The following PKHD1L1 variants were observed in gnomAD, a reference collection of about 807,000 sequenced individuals.
PKHD1L1 encodes fibrocystin-L.
In PKHD1L1, 434 loss-of-function variants were observed where a neutral mutation model predicts 462.9. The ratio of observed to expected loss-of-function variants is 0.94; its 90% CI spans 0.87 to 1.02. The LOEUF (loss-of-function observed/expected upper bound fraction) is 1.02, where lower values mean the gene tolerates loss of function less well. PKHD1L1 is among the 50% of genes least tolerant of loss of function. PKHD1L1 has a pLI of 0.00. For synonymous variants in PKHD1L1, 1,781 were observed against 1,750.0 expected (o/e 1.02, Z -0.44); for missense variants, 5,202 against 5,096.1 (o/e 1.02, Z -0.63).
rs1218750183 is a variant in PKHD1L1, at chr8:109,479,975, A to C, written c.9179-16A>C. On this transcript the variant is annotated splice_polypyrimidine_tract_variant and intron_variant, in intron 54 of 77. Transcript: ENST00000378402. ...TTTATGGATTATGTTATATTTCTTA[A>C]AGTATTGTTTTATAGGAACATGGAT... The C allele has an allele frequency of 6.5e-7, 1 of 1,542,168 alleles. No individual in the cohort carries two copies. The highest frequency in any genetic ancestry group is 1.3e-5 in the South Asian group (1 of 79,386).
intron 21 of PKHD1L1, among the ~76,000 whole-genome samples, chr8:109,416,803 C>T (rs975692270): frequency 2.0e-5 from 3 of 152,130 alleles, no homozygotes; most frequent in African/African-American, 4.8e-5. Flanking sequence ...CTGCTTCATG[C>T]CCAATTTGCT....
chr8:109,460,368 T>G (rs1342049342), intron 47 of PKHD1L1, among the ~76,000 whole-genome samples: 2 of 152,156 alleles, frequency 1.3e-5, no homozygotes, highest in African/African-American at 4.8e-5. Context: ...CTGTAAAAGA[T>G]ATTTTAATTA....
At chr8:109,480,795 A>C (rs1818238208) in intron 55 of PKHD1L1, 1 of 271,104 alleles carries the variant, frequency 3.7e-6, no homozygotes, top group Admixed American at 4.4e-5. Context: ...CTTGGTTATT[A>C]ATATTTTAAA....
Position 109,401,683 on chromosome 8 carries a change from G to A in PKHD1L1, c.1373+95G>A, listed in dbSNP as rs898876718. ...TTTCAATTTATTTTTATTGGTGGAA[G>A]TGATATTAGTTTATTGGTTTAATTT... On this transcript the variant is annotated intron_variant, in intron 14 of 77. Transcript: ENST00000378402. 7 of 585,750 alleles carry A rather than the reference G, an allele frequency of 1.2e-5. No individual in the cohort carries two copies. The African/African-American group carries it at 1.3e-4, about 11-fold the overall frequency. 36.3% of individuals were successfully genotyped at this position (585,750 alleles called of 1,614,324 possible). A position where few individuals can be genotyped will look rare whatever the true frequency, so the allele number is the denominator to read the frequency against.
intron 46 of PKHD1L1, 88 bp from the exon 47 acceptor site, chr8:109,459,507 A>G (rs1816995397): frequency 1.9e-6 from 2 of 1,058,192 alleles, no homozygotes; most frequent in Non-Finnish European, 2.6e-6. Flanking sequence ...TTTGCAGAGT[A>G]TTTAAAATGA....
intron 30 of PKHD1L1, 72 bp downstream of exon 30, chr8:109,436,531 G>A: frequency 6.4e-7 from 1 of 1,573,090 alleles, no homozygotes; most frequent in Non-Finnish European, 8.6e-7. Context: ...CATCTCAGTG[G>A]GGCGGGGGGT....
intron 6 of PKHD1L1, 95 bp downstream of exon 6, chr8:109,385,725 AT>A: frequency 1.3e-6 from 1 of 755,200 alleles, no homozygotes. Context: ...TCCCATTACA[AT>A]GTAATATAAC....
At chr8:109,525,360 C>T (rs1017310532) in intron 76 of PKHD1L1, among the ~76,000 whole-genome samples, 1 of 152,132 alleles carries the variant, frequency 6.6e-6, no homozygotes, top group Admixed American at 6.5e-5. Context: ...ATTTGTTTAG[C>T]GTCCTATGTA....
intron 6 of PKHD1L1, among the ~76,000 whole-genome samples, chr8:109,387,640 C>T (rs1157063444): frequency 6.6e-6 from 1 of 152,152 alleles, no homozygotes; most frequent in Non-Finnish European, 1.5e-5. Context: ...GAATTTAAAT[C>T]CATGAATGTG....
intron 19 of PKHD1L1, among the ~76,000 whole-genome samples, chr8:109,410,945 T>G (rs1009175879): frequency 2.0e-5 from 3 of 151,756 alleles, no homozygotes; most frequent in Non-Finnish European, 4.4e-5. Flanking sequence ...GCCAGGATGG[T>G]CTCGATCTCT....
chr8:109,430,917 G>A (rs1416253109), intron 27 of PKHD1L1, among the ~76,000 whole-genome samples: 1 of 151,524 alleles, frequency 6.6e-6, no homozygotes, highest in African/African-American at 2.4e-5. Context: ...TTTGGTTACA[G>A]TCCTTTGGTA....
intron 6 of PKHD1L1, among the ~76,000 whole-genome samples, chr8:109,386,202 C>T (rs960978592): frequency 6.6e-6 from 1 of 152,190 alleles, no homozygotes; most frequent in East Asian, 1.9e-4. Flanking sequence ...TAGCTAATGT[C>T]AAAAAAATAA....
intron 59 of PKHD1L1, 38 bp downstream of exon 59, chr8:109,486,859 T>C: frequency 6.4e-7 from 1 of 1,555,080 alleles, no homozygotes; most frequent in South Asian, 1.1e-5. Flanking sequence ...AAATGAGCTA[T>C]AACATTATCT....
intron 23 of PKHD1L1, among the ~76,000 whole-genome samples, chr8:109,422,702 CAT>C (rs1200317601): frequency 6.6e-6 from 1 of 152,058 alleles, no homozygotes; most frequent in East Asian, 1.9e-4. Context: ...TTTTGTGAGA[CAT>C]AAGTTTCCAT....
intron 52 of PKHD1L1, 84 bp downstream of exon 52, chr8:109,476,751 G>C: frequency 8.2e-7 from 1 of 1,216,808 alleles, no homozygotes; most frequent in Non-Finnish European, 1.1e-6. Flanking sequence ...CAAATGTGTT[G>C]TGCAGTGCTT....
intron 2 of PKHD1L1, among the ~76,000 whole-genome samples, chr8:109,373,547 C>A (rs561245352): frequency 5.9e-5 from 9 of 152,262 alleles, no homozygotes; most frequent in South Asian, 2.1e-4. Context: ...CTTCTGCTAG[C>A]TTTTGAATGT....
chr8:109,449,928 G>A lies in PKHD1L1; in HGVS notation c.6175+441G>A, dbSNP rs147690024. Among the ~76,000 whole-genome samples, 6 of 152,282 alleles carry A rather than the reference G, an allele frequency of 3.9e-5. No homozygotes were observed. The East Asian group carries it at 1.2e-3, about 29-fold the overall frequency. On this transcript the variant is annotated intron_variant, in intron 40 of 77. Transcript: ENST00000378402. ...GCCTCAGTTTTTTCAACTATAAAGT[G>A]AGATGAATCACAGTAGTCTACTGGA...
At chr8:109,496,220 T>C (rs1396547420) in intron 63 of PKHD1L1, among the ~76,000 whole-genome samples, 1 of 152,110 alleles carries the variant, frequency 6.6e-6, no homozygotes, top group Non-Finnish European at 1.5e-5. Context: ...TACATCTTAG[T>C]AGGAGAGAAG....
chr8:109,480,207 A>G, intron 55 of PKHD1L1, 68 bp downstream of exon 55: 18 of 1,452,346 alleles, frequency 1.2e-5, no homozygotes, highest in Non-Finnish European at 1.6e-5. Flanking sequence ...TTACTCAAAT[A>G]ATAAGAAAGA....
Sources: allele counts gnomAD v4.1 joint callset (sites outside exome capture counted in the v4.1 genomes callset), GRCh38; gene constraint gnomAD v4.1.1; transcripts MANE v1.5; gene names NCBI Gene and HGNC (gene_info 2026-07-23, HGNC 2026-07-21).